Variants in GNG12 observed in about 807,000 individuals in gnomAD.
GNG12 encodes the protein guanine nucleotide-binding protein G(I)/G(S)/G(O) subunit gamma-12.
For missense variants in GNG12, 69 were observed against 83.8 expected (o/e 0.82, Z 0.69); for synonymous variants, 28 against 29.7 (o/e 0.94, Z 0.19).
intron 1 of GNG12, among the ~76,000 whole-genome samples, chr1:67,803,476 CA>C (rs758676086): frequency 5.3e-5 from 8 of 152,124 alleles, no homozygotes; most frequent in Non-Finnish European, 1.2e-4. Context: ...AGTGAGAGAA[CA>C]GCAGCCTGGA....
chr1:67,729,959 T>C (rs1206754040), intron 2 of GNG12, among the ~76,000 whole-genome samples: 1 of 152,208 alleles, frequency 6.6e-6, no homozygotes. Context: ...CTGACTTAGG[T>C]ATTGCCATTC....
chr1:67,749,537 C>T (rs1405572418), intron 2 of GNG12, among the ~76,000 whole-genome samples: 1 of 152,146 alleles, frequency 6.6e-6, no homozygotes, highest in African/African-American at 2.4e-5. Flanking sequence ...CTTCTCAAAG[C>T]TAAAATACAG....
chr1:67,789,446 G>C (rs1412274894), intron 1 of GNG12, among the ~76,000 whole-genome samples: 5 of 152,070 alleles, frequency 3.3e-5, no homozygotes, highest in African/African-American at 1.2e-4. Context: ...AAAATTAAGA[G>C]TAAAATTTAG....
At chr1:67,749,604 C>CT (rs1646527018) in intron 2 of GNG12, among the ~76,000 whole-genome samples, 14 of 152,278 alleles carry the variant, frequency 9.2e-5, no homozygotes, top group Non-Finnish European at 1.8e-4. Context: ...CCAGGAAGCA[C>CT]GTCTCAGAGG....
intron 1 of GNG12, among the ~76,000 whole-genome samples, chr1:67,799,187 A>G (rs868052471): frequency 6.6e-6 from 1 of 152,180 alleles, no homozygotes; most frequent in African/African-American, 2.4e-5. Flanking sequence ...TTTCGATTGC[A>G]TGGGGGTTGT....
Position 67,833,326 on chromosome 1 carries a change from C to T in GNG12, c.-77+18G>A, listed in dbSNP as rs1647063927. 4 of 957,560 alleles carry T rather than the reference C, an allele frequency of 4.2e-6. No individual in the cohort carries two copies. Among genetic ancestry groups the T allele is most frequent in the African/African-American group, 1.8e-5 (1 of 56,534 alleles). The allele number at this position is 957,560 out of a possible 1,614,324, so 59.3% of individuals were successfully genotyped here. Reference sequence around the variant, plus strand: ...CGGGGACCCGACTCACCACCCGCGCCCGCCGCTTGGTACTCACCCGCCTGC... The same window carrying T: ...CGGGGACCCGACTCACCACCCGCGCTCGCCGCTTGGTACTCACCCGCCTGC... On this transcript the variant is annotated intron_variant, in intron 1 of 3. Coordinates refer to ENST00000370982, the MANE Select transcript of GNG12 (RefSeq NM_018841.6).
chr1:67,796,799 A>T lies in GNG12; in HGVS notation c.-76-19292T>A, dbSNP rs140298535. Among the ~76,000 whole-genome samples the T allele has an allele frequency of 2.5e-3, 383 of 152,258 alleles. 5 individuals carry two copies. Among genetic ancestry groups the T allele is most frequent in the Non-Finnish European group, 3.7e-3 (251 of 68,018 alleles). On this transcript the variant is annotated intron_variant, in intron 1 of 3. Transcript: ENST00000370982. The stretch of plus-strand genomic sequence containing the variant: ...ATACTTGAGGCTGGATAATTTAGAT[A>T]AAAAAAGAGGTTTATTGGGCTCACA...
At chr1:67,786,478 C>G (rs1462464898) in intron 1 of GNG12, among the ~76,000 whole-genome samples, 2 of 152,170 alleles carry the variant, frequency 1.3e-5, no homozygotes, top group Non-Finnish European at 2.9e-5. Flanking sequence ...CAATGACAGA[C>G]AGCCACAGAG....
intron 1 of GNG12, among the ~76,000 whole-genome samples, chr1:67,788,413 C>T (rs568469141): frequency 6.6e-6 from 1 of 152,226 alleles, no homozygotes; most frequent in African/African-American, 2.4e-5. Flanking sequence ...TCACAGTTCC[C>T]TGCAGCCCCT....
intron 2 of GNG12, among the ~76,000 whole-genome samples, chr1:67,753,913 G>A (rs957701296): frequency 2.0e-5 from 3 of 152,122 alleles, no homozygotes; most frequent in African/African-American, 7.2e-5. Flanking sequence ...AAGTGTGGCA[G>A]TGTATGTGAG....
intron 2 of GNG12, among the ~76,000 whole-genome samples, chr1:67,750,961 C>T (rs1646535174): frequency 6.6e-6 from 1 of 152,132 alleles, no homozygotes; most frequent in Non-Finnish European, 1.5e-5. Context: ...TTAAAAATAA[C>T]ACTAACAGGT....
chr1:67,770,877 G>A (rs1453767939), intron 2 of GNG12, among the ~76,000 whole-genome samples: 1 of 152,212 alleles, frequency 6.6e-6, no homozygotes, highest in Non-Finnish European at 1.5e-5. Context: ...GCCCTTGGTG[G>A]CTGGATGGAG....
intron 2 of GNG12, among the ~76,000 whole-genome samples, chr1:67,763,530 CA>C (rs1455831491): frequency 2.0e-5 from 3 of 150,566 alleles, no homozygotes; most frequent in Non-Finnish European, 4.4e-5. Flanking sequence ...AAATATCCAT[CA>C]CTTTTTTTTT....
chr1:67,710,166 TTATA>T lies in GNG12; in HGVS notation c.-26-2458_-26-2455del, dbSNP rs531919022. Among the ~76,000 whole-genome samples, 6 of 20,086 alleles carry T rather than the reference TTATA, an allele frequency of 3.0e-4. 2 individuals are homozygous for T. The highest frequency in any genetic ancestry group is 1.1e-3 in the African/African-American group (6 of 5,494). 13.2% of individuals were successfully genotyped at this position (20,086 alleles called of 152,430 possible). A position where few individuals can be genotyped will look rare whatever the true frequency, so the allele number is the denominator to read the frequency against. On this transcript the variant is annotated intron_variant, in intron 2 of 3. Coordinates refer to ENST00000370982, the MANE Select transcript of GNG12 (RefSeq NM_018841.6). ...TATATATATAGTTATATATATATAG[TTATA>T]TATATATAGTTATATATATAGTTAT...
chr1:67,750,978 T>C (rs1242225568), intron 2 of GNG12, among the ~76,000 whole-genome samples: 1 of 152,138 alleles, frequency 6.6e-6, no homozygotes, highest in Admixed American at 6.5e-5. Context: ...AGGTAAGGAG[T>C]TATTTTTGCT....
At chr1:67,772,615 G>A (rs1570535111) in intron 2 of GNG12, 2 of 152,138 alleles carry the variant, frequency 1.3e-5, no homozygotes, top group East Asian at 1.9e-4. Context: ...GTGAAAAGAG[G>A]AAACCTGCTA....
At chr1:67,814,745 A>G (rs1646944257) in intron 1 of GNG12, among the ~76,000 whole-genome samples, 1 of 152,148 alleles carries the variant, frequency 6.6e-6, no homozygotes, top group Non-Finnish European at 1.5e-5. Context: ...CTATTAGAAA[A>G]TTAACACTTG....
At chr1:67,807,481 A>T (rs973827209) in intron 1 of GNG12, among the ~76,000 whole-genome samples, 3 of 151,958 alleles carry the variant, frequency 2.0e-5, no homozygotes, top group African/African-American at 7.2e-5. Context: ...AGCAAAAAAA[A>T]TCAATGAAAT....
chr1:67,756,221 G>A (rs1440679095), intron 2 of GNG12, among the ~76,000 whole-genome samples: 2 of 152,158 alleles, frequency 1.3e-5, no homozygotes, highest in Admixed American at 1.3e-4. Flanking sequence ...TTTCTCAGAA[G>A]AGTATCTGAA....
Sources: gnomAD v4.1 joint callset for allele counts (sites outside exome capture counted in the v4.1 genomes callset) on GRCh38, gnomAD v4.1.1 for gene constraint, MANE v1.5 for transcripts, NCBI Gene and HGNC (gene_info 2026-07-23, HGNC 2026-07-21) for gene names.